Variants in USP34 observed in about 807,000 individuals in gnomAD.
The protein encoded by USP34 is ubiquitin carboxyl-terminal hydrolase 34.
Under a neutral mutation model 460.3 loss-of-function variants are expected in USP34, and 70 were observed. That is an observed-to-expected ratio of 0.15 (90% CI 0.13 to 0.19). The LOEUF is 0.19. USP34 is among the 10% of genes least tolerant of loss of function. The pLI, the probability that USP34 is intolerant of heterozygous loss-of-function variation, is 1.00. For synonymous variants in USP34, 1,647 were observed against 1,405.3 expected (o/e 1.17, Z -3.85); for missense variants, 3,985 against 4,236.2 (o/e 0.94, Z 1.65).
rs756357532 is a variant in USP34 at position 61,301,405 on chromosome 2, T to G, written c.3867A>C (p.Thr1289=). ...VRMISSGHEL[T]TDYDEKALHE... is the part of the protein sequence containing the mutation. ...GAAGTGCTTTTTCATCATAATCTGT[T>G]GTTAACTCGTGTCCAGATGAAATCA... The change falls in exon 28 of 80, where the codon ACA becomes ACC. Residue 1289 remains threonine, a synonymous_variant. Transcript: ENST00000398571. 3 of 1,613,976 alleles carry G rather than the reference T, an allele frequency of 1.9e-6. No individual in the cohort carries two copies. The African/African-American group carries it at 4.0e-5, about 22-fold the overall frequency.
intron 1 of USP34, among the ~76,000 whole-genome samples, chr2:61,459,864 A>G (rs1447954087): frequency 6.6e-6 from 1 of 152,120 alleles, no homozygotes; most frequent in African/African-American, 2.4e-5. Context: ...GATCAAGACC[A>G]TCCTGATTAA....
intron 71 of USP34, 145 bp downstream of exon 71, chr2:61,206,615 C>A: frequency 9.4e-7 from 1 of 1,066,386 alleles, no homozygotes; most frequent in Non-Finnish European, 1.3e-6. Context: ...TCATGACAAA[C>A]ATTTCCTGAT....
chr2:61,392,433 G>A (rs1429144200), intron 5 of USP34, among the ~76,000 whole-genome samples: 3 of 152,144 alleles, frequency 2.0e-5, no homozygotes, highest in African/African-American at 4.8e-5. Flanking sequence ...AGACCAGCCT[G>A]GACAACATGG....
intron 2 of USP34, among the ~76,000 whole-genome samples, chr2:61,409,449 C>A (rs1246320696): frequency 1.3e-5 from 2 of 152,078 alleles, no homozygotes; most frequent in Non-Finnish European, 2.9e-5. Flanking sequence ...CACGGTGGCT[C>A]ATGTCTGTAA....
At chr2:61,353,850 G>T (rs182402764) in intron 10 of USP34, among the ~76,000 whole-genome samples, 58 of 152,156 alleles carry the variant, frequency 3.8e-4, no homozygotes, top group African/African-American at 1.1e-3. Flanking sequence ...GAACCAAAAA[G>T]AAATTATGGA....
chr2:61,466,477 T>C (rs1376510632), intron 1 of USP34, among the ~76,000 whole-genome samples: 1 of 152,208 alleles, frequency 6.6e-6, no homozygotes, highest in Non-Finnish European at 1.5e-5. Flanking sequence ...GGATACTGAA[T>C]GTTCCCAAAG....
At chr2:61,425,966 G>C (rs1694499802) in intron 1 of USP34, among the ~76,000 whole-genome samples, 1 of 151,864 alleles carries the variant, frequency 6.6e-6, no homozygotes, top group Non-Finnish European at 1.5e-5. Context: ...ACCGCTCAGA[G>C]TCATGAGGTC....
chr2:61,374,110 C>T (rs566849076), intron 8 of USP34, among the ~76,000 whole-genome samples: 9 of 147,676 alleles, frequency 6.1e-5, no homozygotes, highest in East Asian at 2.0e-4. Context: ...GAGCCGAGAT[C>T]GTGCCATTGC....
Position 61,348,396 on chromosome 2 carries a change from C to T in USP34, c.1759G>A (p.Asp587Asn). Residue 587 changes from aspartate (D) to asparagine (N), a missense_variant, in exon 15 of 80, where the codon GAT becomes AAT. Physicochemically the swap from Asp to Asn is conservative, Grantham distance 23. Coordinates refer to ENST00000398571, the MANE Select transcript of USP34 (RefSeq NM_014709.4). ...GAATTAACCTCATTGCTAGATCCAT[C>T]ACTATGCCCACTACTGCTACCAGGA... ...SGPGSSSGHSDGSSNEVNSSH... is the reference protein window; with the variant it reads ...SGPGSSSGHSNGSSNEVNSSH... 1 of 1,613,976 alleles carries T rather than the reference C, an allele frequency of 6.2e-7. No homozygotes were observed. The highest frequency in any genetic ancestry group is 8.5e-7 in the Non-Finnish European group (1 of 1,180,046).
chr2:61,420,264 T>C (rs1376857362), intron 2 of USP34, among the ~76,000 whole-genome samples: 1 of 152,210 alleles, frequency 6.6e-6, no homozygotes, highest in African/African-American at 2.4e-5. Flanking sequence ...GGAATCCTTT[T>C]TATAAACTTT....
intron 1 of USP34, among the ~76,000 whole-genome samples, chr2:61,466,333 G>A (rs1695761733): frequency 6.6e-6 from 1 of 152,184 alleles, no homozygotes; most frequent in Admixed American, 6.5e-5. Flanking sequence ...GATGTGGCAG[G>A]AGGATTGCTT....
chr2:61,275,089 C>T (rs1689331498), intron 41 of USP34, among the ~76,000 whole-genome samples: 1 of 152,060 alleles, frequency 6.6e-6, no homozygotes, highest in Non-Finnish European at 1.5e-5. Flanking sequence ...CCATCCAGGG[C>T]AACATGGCGA....
intron 37 of USP34, 93 bp downstream of exon 37, chr2:61,283,052 G>A (rs956325781): frequency 1.4e-5 from 18 of 1,302,460 alleles, no homozygotes; most frequent in East Asian, 7.1e-5. Context: ...ATGGACTCAC[G>A]CATATTTGTT....
At chr2:61,312,273 T>G (rs1035963383) in intron 25 of USP34, among the ~76,000 whole-genome samples, 1 of 151,788 alleles carries the variant, frequency 6.6e-6, no homozygotes, top group African/African-American at 2.4e-5. Context: ...CTGTGATTCC[T>G]GCATTCAGAA....
intron 74 of USP34, 34 bp from the exon 75 acceptor site, chr2:61,203,297 A>G: frequency 6.8e-7 from 1 of 1,470,888 alleles, no homozygotes; most frequent in Non-Finnish European, 9.0e-7. Context: ...GGTTGCACTT[A>G]AATTGTATAA....
intron 48 of USP34, among the ~76,000 whole-genome samples, chr2:61,249,163 T>C (rs1453341152): frequency 6.6e-6 from 1 of 152,220 alleles, no homozygotes; most frequent in Non-Finnish European, 1.5e-5. Flanking sequence ...CATCGTATGA[T>C]TTTTTTCTTT....
At chr2:61,217,307 G>C (rs1687431457) in intron 67 of USP34, among the ~76,000 whole-genome samples, 1 of 152,146 alleles carries the variant, frequency 6.6e-6, no homozygotes, top group African/African-American at 2.4e-5. Flanking sequence ...CTACTTCCAT[G>C]TCTATATGGC....
intron 75 of USP34, among the ~76,000 whole-genome samples, chr2:61,196,257 T>G (rs1038580238): frequency 2.9e-4 from 43 of 150,046 alleles, no homozygotes; most frequent in Non-Finnish European, 5.8e-4. Flanking sequence ...ATTTTTTTTT[T>G]TTTTTTGTAT....
chr2:61,335,934 C>T (rs1558535752), intron 18 of USP34, among the ~76,000 whole-genome samples: 1 of 152,108 alleles, frequency 6.6e-6, no homozygotes, highest in Non-Finnish European at 1.5e-5. Flanking sequence ...TTTTTGTTAT[C>T]TTAGAACAGA....
Sources: allele counts gnomAD v4.1 joint callset (sites outside exome capture counted in the v4.1 genomes callset), GRCh38; gene constraint gnomAD v4.1.1; transcripts MANE v1.5; gene names NCBI Gene and HGNC (gene_info 2026-07-23, HGNC 2026-07-21).